H3C6: variants seen among roughly 807,000 people sequenced by gnomAD.
H3C6 encodes the protein H3 clustered histone 6, also known as histone H3.1.
A neutral mutation model predicts 8.0 loss-of-function variants in H3C6; 17 were observed. The ratio of observed to expected loss-of-function variants is 2.13; its 90% CI spans 1.46 to 3.19. The LOEUF is 3.19. Ranked by LOEUF, H3C6 falls within the 30% of genes most tolerant of loss-of-function variation. The pLI is 0.00. For synonymous variants in H3C6, 169 were observed against 78.0 expected (o/e 2.17, Z -6.15); for missense variants, 298 against 193.8 (o/e 1.54, Z -3.19).
chr6:26,225,828 C>T (rs971630502), downstream of H3C6: 18 of 390,526 alleles, frequency 4.6e-5, no homozygotes, highest in African/African-American at 3.1e-4. Context: ...CTGTTCAGGC[C>T]CTCTGCTGCT....
chr6:26,225,164 A>T lies in H3C6; in HGVS notation c.10A>T (p.Thr4Ser), dbSNP rs1426545521. 4 of 1,567,190 alleles carry T rather than the reference A, an allele frequency of 2.6e-6. No homozygotes were observed. Among genetic ancestry groups the T allele is most frequent in the Admixed American group, 3.9e-5 (2 of 51,904 alleles). Residue 4 changes from threonine (T) to serine (S), a missense_variant, in exon 1 of 1, where the codon ACT (threonine) becomes TCT (serine). Thr to Ser is a moderately conservative substitution (Grantham distance 58). Transcript: ENST00000614911. The part of the protein sequence containing the change: MAR[T>S]KQTARKSTGG... ...ACTTTGCAGATGAACTATGGCGCGTACTAAGCAGACGGCTCGTAAATCCAC... is the reference window on the plus strand; with the variant it reads ...ACTTTGCAGATGAACTATGGCGCGTTCTAAGCAGACGGCTCGTAAATCCAC...
upstream of H3C6, among the ~76,000 whole-genome samples, chr6:26,224,528 C>A (rs1357986826): frequency 1.3e-5 from 2 of 152,108 alleles, no homozygotes; most frequent in African/African-American, 2.4e-5. Context: ...TTCAACAAAA[C>A]GAAATAATAG....
chr6:26,226,473 C>T (rs1251041225), downstream of H3C6: 1 of 152,382 alleles, frequency 6.6e-6, no homozygotes, highest in Non-Finnish European at 1.5e-5. Flanking sequence ...CTCACCGCAA[C>T]CTCCGCCTCC....
chr6:26,225,081 CCAAT>C, upstream of H3C6: 2 of 1,457,558 alleles, frequency 1.4e-6, no homozygotes, highest in Non-Finnish European at 1.8e-6. Flanking sequence ...CGTCCACAAT[CCAAT>C]CAGAGTGATT....
Position 26,225,376 on chromosome 6 carries a change from A to G in H3C6, c.222A>G (p.Glu74=). The G allele has an allele frequency of 1.2e-6, 2 of 1,614,244 alleles. No homozygotes were observed. Among genetic ancestry groups the G allele is most frequent in the Non-Finnish European group, 1.7e-6 (2 of 1,180,038 alleles). ...TGCCGTTTCAGCGCCTGGTGCGAGA[A>G]ATAGCTCAGGACTTCAAGACCGACC... ...RKLPFQRLVR[E]IAQDFKTDLR... The change falls in exon 1 of 1, where the codon GAA becomes GAG. Residue 74 remains glutamate, a synonymous_variant. Transcript: ENST00000614911.
At chr6:26,224,536 T>C (rs547625017), upstream of H3C6, among the ~76,000 whole-genome samples, 6 of 152,356 alleles carry the variant, frequency 3.9e-5, no homozygotes, top group South Asian at 1.2e-3. Context: ...AACGAAATAA[T>C]AGTGTTAAGT....
Position 26,225,526 on chromosome 6 carries a change from C to CA in H3C6, c.373dup (p.Ile125AsnfsTer21). ...AACGCGTGACCATCATGCCTAAAGA[C>CA]ATCCAGCTTGCCCGCCGCATTCGTG... On this transcript the variant is annotated frameshift_variant, in exon 1 of 1. Coordinates refer to ENST00000614911, the MANE Select transcript of H3C6 (RefSeq NM_003532.3). LOFTEE classifies it high-confidence loss of function. 1.2e-6 allele frequency: 2 copies of CA among 1,614,050 alleles called. No individual in the cohort carries two copies. The highest frequency in any genetic ancestry group is 1.7e-6 in the Non-Finnish European group (2 of 1,179,922).
At chr6:26,224,226 A>C (rs1441928919), upstream of H3C6, 1 of 152,232 alleles carries the variant, frequency 6.6e-6, no homozygotes, top group East Asian at 1.9e-4. Context: ...TTTTCCAGTA[A>C]ACATTTGTTA....
Position 26,225,196 on chromosome 6 carries a change from T to TA in H3C6, c.45dup (p.Ala16SerfsTer9). Reference sequence around the variant, plus strand: ...AGACGGCTCGTAAATCCACAGGCGGTAAAGCACCGCGCAAACAGCTGGCCA... The same window carrying TA: ...AGACGGCTCGTAAATCCACAGGCGGTAAAAGCACCGCGCAAACAGCTGGCCA... On this transcript the variant is annotated frameshift_variant, in exon 1 of 1. Transcript: ENST00000614911. LOFTEE classifies it high-confidence loss of function. The TA allele has an allele frequency of 6.3e-7, 1 of 1,596,900 alleles. No homozygotes were observed. Among genetic ancestry groups the TA allele is most frequent in the Non-Finnish European group, 8.5e-7 (1 of 1,171,728 alleles).
rs1313689874 is a variant in H3C6, at chr6:26,225,577, T to C, written c.*12T>C. 5.6e-6 allele frequency: 9 copies of C among 1,606,828 alleles called. No individual in the cohort carries two copies. Among genetic ancestry groups the C allele is most frequent in the Non-Finnish European group, 7.6e-6 (9 of 1,176,512 alleles). Reference sequence around the variant, plus strand: ...GGGAGAGGGCGTGAATTGTTTTGAGTACAAACCTTAAATCCAAAGGCTCTT... The same window carrying C: ...GGGAGAGGGCGTGAATTGTTTTGAGCACAAACCTTAAATCCAAAGGCTCTT... On this transcript the variant is annotated 3_prime_UTR_variant, in exon 1 of 1. Coordinates refer to ENST00000614911, the MANE Select transcript of H3C6 (RefSeq NM_003532.3).
chr6:26,225,504 G>A lies in H3C6; in HGVS notation c.350G>A (p.Arg117His), dbSNP rs1759516675. The stretch of plus-strand genomic sequence containing the variant: ...AACCTGTGCGCTATTCATGCCAAAC[G>A]CGTGACCATCATGCCTAAAGACATC... ...DTNLCAIHAK[R>H]VTIMPKDIQL... The change falls in exon 1 of 1, where the codon CGC becomes CAC. Residue 117 changes from arginine to histidine, a missense_variant. Physicochemically the swap from Arg to His is conservative, Grantham distance 29. Coordinates refer to ENST00000614911, the MANE Select transcript of H3C6 (RefSeq NM_003532.3). 6.2e-7 allele frequency: 1 copy of A among 1,614,214 alleles called. No homozygotes were observed. The highest frequency in any genetic ancestry group is 8.5e-7 in the Non-Finnish European group (1 of 1,180,028).
chr6:26,225,040 C>T, upstream of H3C6: 2 of 1,189,454 alleles, frequency 1.7e-6, no homozygotes, highest in East Asian at 2.5e-5. Flanking sequence ...CGGCCACTTC[C>T]GGAATTTAGC....
At position 26,225,167 on chromosome 6, in the gene H3C6, A is replaced by G. The variant is rs1482691981; in HGVS notation, c.13A>G (p.Lys5Glu). MART[K>E]QTARKSTGGK... Reference sequence around the variant, plus strand: ...TTGCAGATGAACTATGGCGCGTACTAAGCAGACGGCTCGTAAATCCACAGG... The same window carrying G: ...TTGCAGATGAACTATGGCGCGTACTGAGCAGACGGCTCGTAAATCCACAGG... Residue 5 changes from lysine to glutamate, a missense_variant, in exon 1 of 1, where the codon AAG becomes GAG. Transcript: ENST00000614911. The G allele has an allele frequency of 1.2e-5, 19 of 1,571,038 alleles. No homozygotes were observed. The highest frequency in any genetic ancestry group is 1.6e-5 in the Non-Finnish European group (19 of 1,160,324).
chr6:26,224,548 C>CT (rs1448542110), upstream of H3C6, among the ~76,000 whole-genome samples: 1 of 152,148 alleles, frequency 6.6e-6, no homozygotes, highest in African/African-American at 2.4e-5. Flanking sequence ...GTGTTAAGTT[C>CT]TTTGAGTCAA....
chr6:26,225,052 A>C (rs1369758041), upstream of H3C6: 2 of 1,279,564 alleles, frequency 1.6e-6, no homozygotes, highest in African/African-American at 3.0e-5. Context: ...GAATTTAGCA[A>C]CCGATCACTA....
At chr6:26,225,773 G>A, downstream of H3C6, 2 of 592,630 alleles carry the variant, frequency 3.4e-6, no homozygotes, top group South Asian at 4.5e-5. Flanking sequence ...CCTAGGGCTG[G>A]GCCTCCCTAC....
chr6:26,225,665 A>C, downstream of H3C6: 1 of 1,312,586 alleles, frequency 7.6e-7, no homozygotes, highest in Admixed American at 2.3e-5. Context: ...TTAGACCACT[A>C]AACTGCACTG....
downstream of H3C6, chr6:26,227,373 C>T (rs747251871): frequency 1.3e-5 from 2 of 152,124 alleles, no homozygotes; most frequent in Admixed American, 1.3e-4. Flanking sequence ...CTTTTTATAT[C>T]ATTAAATCCA....
chr6:26,224,988 C>A, upstream of H3C6: 2 of 703,698 alleles, frequency 2.8e-6, no homozygotes, highest in Non-Finnish European at 4.6e-6. Flanking sequence ...ATTTACCAAT[C>A]AGAATCTTGC....
Sources: gnomAD v4.1 joint callset for allele counts (sites outside exome capture counted in the v4.1 genomes callset) on GRCh38, gnomAD v4.1.1 for gene constraint, MANE v1.5 for transcripts, NCBI Gene and HGNC (gene_info 2026-07-23, HGNC 2026-07-21) for gene names.